Variants in SDC2 observed in about 807,000 individuals in gnomAD.
The protein encoded by SDC2 is syndecan-2.
Under a neutral mutation model 22.2 loss-of-function variants are expected in SDC2, and 13 were observed. The ratio of observed to expected loss-of-function variants is 0.59; its 90% confidence interval spans 0.38 to 0.93. The LOEUF (loss-of-function observed/expected upper bound fraction) is 0.93, where lower values mean the gene tolerates loss of function less well. Ranked by LOEUF, SDC2 falls within the 40% of genes least tolerant of loss-of-function variation. SDC2 has a pLI of 0.00. For synonymous variants in SDC2, 94 were observed against 92.8 expected (o/e 1.01, Z -0.07); for missense variants, 235 against 246.8 (o/e 0.95, Z 0.32).
intron 1 of SDC2, among the ~76,000 whole-genome samples, chr8:96,538,422 G>C (rs1299398078): frequency 1.3e-5 from 2 of 152,096 alleles, no homozygotes; most frequent in African/African-American, 2.4e-5. Context: ...AAGTTATACT[G>C]TAAATGTTAC....
chr8:96,514,470 G>A (rs917349270), intron 1 of SDC2, among the ~76,000 whole-genome samples: 2 of 152,092 alleles, frequency 1.3e-5, no homozygotes, highest in African/African-American at 2.4e-5. Flanking sequence ...GGCTGGACAG[G>A]GACACTCATG....
In SDC2 at chr8:96,608,438, A is replaced by C; in HGVS notation, c.410A>C (p.Asp137Ala). 6.2e-7 allele frequency: 1 copy of C among 1,613,540 alleles called. No individual in the cohort carries two copies. Among genetic ancestry groups the C allele is most frequent in the Non-Finnish European group, 8.5e-7 (1 of 1,179,724 alleles). Residue 137 changes from aspartate to alanine, a missense_variant, in exon 4 of 5, where the codon GAC becomes GCC. By Grantham distance (126) the Asp-to-Ala change is moderately radical. Coordinates refer to ENST00000302190, the MANE Select transcript of SDC2 (RefSeq NM_002998.4). ...DTNVYTEKHSDSLFKRTEVLA... is the reference protein window; with the variant it reads ...DTNVYTEKHSASLFKRTEVLA... ...AATGTGTATACTGAGAAACACTCAG[A>C]CAGTCTGTTTAAACGGACAGAAGTC...
At chr8:96,541,308 G>T (rs1813845636) in intron 1 of SDC2, among the ~76,000 whole-genome samples, 1 of 151,724 alleles carries the variant, frequency 6.6e-6, no homozygotes, top group South Asian at 2.1e-4. Context: ...TGCGTCTGTA[G>T]TCCCAGCTAC....
intron 1 of SDC2, among the ~76,000 whole-genome samples, chr8:96,535,286 T>C (rs972210238): frequency 2.0e-5 from 3 of 152,234 alleles, no homozygotes; most frequent in South Asian, 4.1e-4. Context: ...GGATTACAGG[T>C]GTGAGCCACT....
chr8:96,584,862 T>C (rs1357745297), intron 1 of SDC2: 1 of 152,218 alleles, frequency 6.6e-6, no homozygotes, highest in Non-Finnish European at 1.5e-5. Context: ...TCATGCATAT[T>C]CAACATAATC....
chr8:96,528,927 A>G (rs2589209), intron 1 of SDC2, among the ~76,000 whole-genome samples: 34,802 of 152,116 alleles, frequency 0.23, 4,886 homozygotes, highest in African/African-American at 0.4. Flanking sequence ...TGAACAGGCT[A>G]CTTTACCTCT....
intron 1 of SDC2, among the ~76,000 whole-genome samples, chr8:96,582,911 C>T (rs1464857755): frequency 2.6e-5 from 4 of 152,208 alleles, no homozygotes; most frequent in Middle Eastern, 3.4e-3. Flanking sequence ...GCTAACAAGA[C>T]GGGTTATTAG....
chr8:96,495,010 C>T (rs1218407229), intron 1 of SDC2, among the ~76,000 whole-genome samples: 1 of 152,246 alleles, frequency 6.6e-6, no homozygotes, highest in African/African-American at 2.4e-5. Flanking sequence ...ACGCCGGCCA[C>T]TGGATTCCCA....
In SDC2 at chr8:96,565,084, ATTT is replaced by A. The variant is rs11304418; in HGVS notation, c.61-28383_61-28381del. ...GATCACTGAGACCATCCTAAATTTG[ATTT>A]TTTTTTTTTTTTGTTGAGATGGGGA... On this transcript the variant is annotated intron_variant, in intron 1 of 4. Transcript: ENST00000302190. Among the ~76,000 whole-genome samples the A allele has an allele frequency of 1.8e-4, 12 of 67,836 alleles. 1 individual carries two copies. Among genetic ancestry groups the A allele is most frequent in the Non-Finnish European group, 2.9e-4 (10 of 34,158 alleles). The allele number at this position is 67,836 out of a possible 152,430, so 44.5% of individuals were successfully genotyped here. A position where few individuals can be genotyped will look rare whatever the true frequency, so the allele number is the denominator to read the frequency against.
chr8:96,502,246 C>A (rs954368524), intron 1 of SDC2, among the ~76,000 whole-genome samples: 6 of 152,238 alleles, frequency 3.9e-5, no homozygotes, highest in African/African-American at 1.4e-4. Context: ...ACCACCAGAT[C>A]TTGTGAGACT....
intron 3 of SDC2, among the ~76,000 whole-genome samples, chr8:96,607,584 G>A (rs1377732206): frequency 6.6e-6 from 1 of 152,210 alleles, no homozygotes; most frequent in Non-Finnish European, 1.5e-5. Context: ...AACAGTTAAT[G>A]TCCTGCAGGC....
chr8:96,494,498 C>G (rs1264326265), intron 1 of SDC2, among the ~76,000 whole-genome samples, 167 bp downstream of exon 1: 1 of 152,246 alleles, frequency 6.6e-6, no homozygotes, highest in African/African-American at 2.4e-5. Context: ...TCCCCCTCTT[C>G]CCTTCCTCAG....
At chr8:96,508,351 G>T (rs1813278372) in intron 1 of SDC2, among the ~76,000 whole-genome samples, 1 of 147,380 alleles carries the variant, frequency 6.8e-6, no homozygotes, top group South Asian at 2.2e-4. Flanking sequence ...TAATTAGCCG[G>T]GTGTGGTCGC....
chr8:96,582,313 A>G (rs1001263634), intron 1 of SDC2, among the ~76,000 whole-genome samples: 7 of 151,426 alleles, frequency 4.6e-5, no homozygotes, highest in African/African-American at 1.7e-4. Flanking sequence ...TTCCCAGTAG[A>G]TATCAGGAAT....
At chr8:96,494,600 C>G (rs1206191889) in intron 1 of SDC2, among the ~76,000 whole-genome samples, 2 of 152,190 alleles carry the variant, frequency 1.3e-5, no homozygotes, top group East Asian at 2.0e-4. Flanking sequence ...CCCCTGAAGT[C>G]ACTCCCAACT....
In SDC2 at chr8:96,535,384, G is replaced by A. The variant is rs149352377; in HGVS notation, c.60+41053G>A. 3.6e-3 allele frequency among the ~76,000 whole-genome samples: 542 copies of A among 152,262 alleles called. 4 individuals carry two copies. Among genetic ancestry groups the A allele is most frequent in the African/African-American group, 0.012 (516 of 41,540 alleles). On this transcript the variant is annotated intron_variant, in intron 1 of 4. Coordinates refer to ENST00000302190, the MANE Select transcript of SDC2 (RefSeq NM_002998.4). ...AAACTAAAAATTATTTGTTTATCTG[G>A]AATTCAGATTTAACAGAGCATCCTG...
In SDC2 at chr8:96,593,509, G is replaced by A. The variant is rs1240284594; in HGVS notation, c.90G>A (p.Met30Ile). 1.9e-6 allele frequency: 3 copies of A among 1,613,782 alleles called. No individual in the cohort carries two copies. The highest frequency in any genetic ancestry group is 1.7e-5 in the Admixed American group (1 of 60,024). ...CAGAGCTGACATCTGATAAAGACAT[G>A]TACCTTGACAACAGCTCCATTGAAG... is the stretch of plus-strand genomic sequence containing the variant. Reference protein sequence around the residue: ...SRAELTSDKDMYLDNSSIEEA... With the variant: ...SRAELTSDKDIYLDNSSIEEA... Residue 30 changes from methionine to isoleucine, a missense_variant, in exon 2 of 5, where the codon ATG (methionine) becomes ATA (isoleucine). Coordinates refer to ENST00000302190, the MANE Select transcript of SDC2 (RefSeq NM_002998.4).
rs1039138512 is a variant in SDC2, at chr8:96,593,450, A to C, written c.61-30A>C. 3.4e-6 allele frequency: 5 copies of C among 1,472,922 alleles called. No individual in the cohort carries two copies. The African/African-American group carries it at 5.5e-5, about 16-fold the overall frequency. 91.2% of individuals were successfully genotyped at this position (1,472,922 alleles called of 1,614,324 possible). On this transcript the variant is annotated intron_variant, in intron 1 of 4. Transcript: ENST00000302190. ...CAAGTGTGTTTCTTAATCTCTCAAC[A>C]TCCTGACTCCCTTGTCTTTCCTTTC...
intron 3 of SDC2, among the ~76,000 whole-genome samples, chr8:96,606,328 C>G (rs779557944): frequency 6.6e-6 from 1 of 152,152 alleles, no homozygotes; most frequent in Admixed American, 6.5e-5. Flanking sequence ...GAATGATCCT[C>G]TCACCTTGGG....
Sources: allele counts gnomAD v4.1 joint callset (sites outside exome capture counted in the v4.1 genomes callset), GRCh38; gene constraint gnomAD v4.1.1; transcripts MANE v1.5; gene names NCBI Gene and HGNC (gene_info 2026-07-23, HGNC 2026-07-21).